SIRPA: variants seen among roughly 807,000 people sequenced by gnomAD.
SIRPA encodes the protein signal regulatory protein alpha, also known as tyrosine-protein phosphatase non-receptor type substrate 1.
Under a neutral mutation model 50.3 loss-of-function variants are expected in SIRPA, and 9 were observed. The observed-to-expected ratio is 0.18, with a 90% CI of 0.11 to 0.31. The LOEUF is 0.31. SIRPA is among the 10% of genes least tolerant of loss of function. The pLI is 1.00. For synonymous variants in SIRPA, 265 were observed against 284.1 expected, an observed-to-expected ratio of 0.93 and a Z score of 0.68; for missense variants, 474 against 661.6, an observed-to-expected ratio of 0.72 and a Z score of 3.11.
At chr20:1,926,249 G>T (rs1048873041) in intron 5 of SIRPA, among the ~76,000 whole-genome samples, 1 of 152,218 alleles carries the variant, frequency 6.6e-6, no homozygotes, top group African/African-American at 2.4e-5. Context: ...CTACCCAATG[G>T]GTTCCCTAAA....
rs1401608362 is a variant in SIRPA at position 1,933,758 on chromosome 20, C to T, written c.1227-957C>T. Among the ~76,000 whole-genome samples the T allele has an allele frequency of 2.6e-5, 4 of 152,190 alleles. No homozygotes were observed. The highest frequency in any genetic ancestry group is 5.9e-5 in the Non-Finnish European group (4 of 68,028). On this transcript the variant is annotated intron_variant, in intron 6 of 7. Coordinates refer to ENST00000358771, the MANE Select transcript of SIRPA (RefSeq NM_001040023.2). The surrounding 1 kb of genome is among the most constrained non-coding windows in gnomAD (Gnocchi z 4.4). ...CTGACATTATCCATGCTAACATCCC[C>T]GGGGTTGCCGGCTTGAGAATTTACA...
chr20:1,926,844 T>C (rs1374191017), intron 5 of SIRPA, among the ~76,000 whole-genome samples: 2 of 152,194 alleles, frequency 1.3e-5, no homozygotes, highest in African/African-American at 4.8e-5. Flanking sequence ...TCTCCCTCAT[T>C]AGGCCCTGGA....
chr20:1,930,952 A>G (rs992134782), intron 6 of SIRPA, among the ~76,000 whole-genome samples: 4 of 152,242 alleles, frequency 2.6e-5, no homozygotes, highest in African/African-American at 9.6e-5. Context: ...CTGGAAGAAT[A>G]GGACATTGTC....
In SIRPA at chr20:1,928,293, G is replaced by A. The variant is rs1460360079; in HGVS notation, c.1226+394G>A. On this transcript the variant is annotated intron_variant, in intron 6 of 7. Transcript: ENST00000358771. This position sits in a 1 kb window ranked among gnomAD's most constrained non-coding sequence, Gnocchi z 4.9. ...TAGTAAATATTTATTGAGTACCTTG[G>A]CGTGCTGTGACCCTGGAATGCCGGG... Among the ~76,000 whole-genome samples the A allele has an allele frequency of 6.6e-6, 1 of 152,100 alleles. No homozygotes were observed. Among genetic ancestry groups the A allele is most frequent in the African/African-American group, 2.4e-5 (1 of 41,390 alleles).
At chr20:1,921,339 T>C (rs531727696) in intron 2 of SIRPA, 56 bp from the exon 3 acceptor site, 294 of 1,609,428 alleles carry the variant, frequency 1.8e-4, no homozygotes, top group South Asian at 1.1e-3. Flanking sequence ...CACACACTTA[T>C]CGTTAGTGAT....
intron 6 of SIRPA, among the ~76,000 whole-genome samples, chr20:1,931,948 G>A (rs112667900): frequency 2.7e-4 from 41 of 152,208 alleles, no homozygotes; most frequent in African/African-American, 9.4e-4. Context: ...TCATTTATTC[G>A]TCGGGACTGA....
rs1471049301 is a variant in SIRPA, at chr20:1,937,674, T to C, written c.*106T>C. 14 of 1,468,396 alleles carry C rather than the reference T, an allele frequency of 9.5e-6. No homozygotes were observed. Among genetic ancestry groups the C allele is most frequent in the Admixed American group, 4.0e-5 (2 of 49,608 alleles). The allele number at this position is 1,468,396 out of a possible 1,614,324, so 91.0% of individuals were successfully genotyped here. A position where few individuals can be genotyped will look rare whatever the true frequency, so the allele number is the denominator to read the frequency against. ...CCCAGTTCCCGGAGGGCTGGGGCGG[T>C]GCAGGCTCTGGGACCCAGGGGCCAG... is the stretch of plus-strand genomic sequence containing the variant. On this transcript the variant is annotated 3_prime_UTR_variant, in exon 8 of 8. Coordinates refer to ENST00000358771, the MANE Select transcript of SIRPA (RefSeq NM_001040023.2). This position sits in a 1 kb window ranked among gnomAD's most constrained non-coding sequence, Gnocchi z 8.3.
chr20:1,927,570 T>C lies in SIRPA; in HGVS notation c.1202-305T>C, dbSNP rs914772831. On this transcript the variant is annotated intron_variant, in intron 5 of 7. Transcript: ENST00000358771. This position sits in a 1 kb window ranked among gnomAD's most constrained non-coding sequence, Gnocchi z 6.5. ...GGAGGGTCTCCGCTGAGGTTTGTGG[T>C]TGAATGGAGGTGAGACCCAGACAGA... 5.9e-5 allele frequency among the ~76,000 whole-genome samples: 9 copies of C among 152,184 alleles called. No individual in the cohort carries two copies. Among genetic ancestry groups the C allele is most frequent in the African/African-American group, 1.7e-4 (7 of 41,434 alleles).
chr20:1,894,993 G>C (rs1265888819), upstream of SIRPA, among the ~76,000 whole-genome samples: 1 of 147,182 alleles, frequency 6.8e-6, no homozygotes, highest in African/African-American at 2.5e-5. The surrounding 1 kb of genome is among the most constrained non-coding windows in gnomAD (Gnocchi z 4.0). Context: ...GCGGCTCCGC[G>C]CGGCCGGGCT....
At position 1,933,664 on chromosome 20, in the gene SIRPA, C is replaced by G. The variant is rs937864282; in HGVS notation, c.1227-1051C>G. Among the ~76,000 whole-genome samples the G allele has an allele frequency of 6.6e-6, 1 of 152,188 alleles. No homozygotes were observed. Among genetic ancestry groups the G allele is most frequent in the African/African-American group, 2.4e-5 (1 of 41,436 alleles). ...ACGTGGGGCTTGTCATGTCTCAGAA[C>G]TGCTTTCAGAGCCAAGCACTCATGC... On this transcript the variant is annotated intron_variant, in intron 6 of 7. Transcript: ENST00000358771. This position sits in a 1 kb window ranked among gnomAD's most constrained non-coding sequence, Gnocchi z 4.4.
At chr20:1,922,740 A>T in intron 4 of SIRPA, 95 bp downstream of exon 4, 1 of 1,348,402 alleles carries the variant, frequency 7.4e-7, no homozygotes, top group Non-Finnish European at 1.0e-6. Context: ...TTATTATAGA[A>T]CAATCTAGAA....
chr20:1,895,244 A>C, upstream of SIRPA: 1 of 397,202 alleles, frequency 2.5e-6, no homozygotes, highest in Non-Finnish European at 4.2e-6. Context: ...CCGTCTCTCC[A>C]TTTCTCCTGG....
chr20:1,902,917 C>T (rs138624385), intron 1 of SIRPA, among the ~76,000 whole-genome samples: 40 of 146,766 alleles, frequency 2.7e-4, no homozygotes, highest in African/African-American at 1.0e-3. Context: ...GAGGCTGCGG[C>T]AGGAGAATCG....
intron 1 of SIRPA, among the ~76,000 whole-genome samples, chr20:1,899,184 T>G (rs531032220): frequency 6.6e-6 from 1 of 151,452 alleles, no homozygotes; most frequent in East Asian, 1.9e-4. Flanking sequence ...TCAAAACTGT[T>G]GAGTGGGTCC....
chr20:1,895,154 G>T, upstream of SIRPA: 1 of 292,608 alleles, frequency 3.4e-6, no homozygotes, highest in East Asian at 6.4e-5. Context: ...TGGCTCCCTT[G>T]GGTCTGTTTC....
At chr20:1,901,173 T>G (rs1391847435) in intron 1 of SIRPA, among the ~76,000 whole-genome samples, 1 of 130,842 alleles carries the variant, frequency 7.6e-6, no homozygotes, top group Admixed American at 7.4e-5. Flanking sequence ...CTTTTTTTTT[T>G]TTTTTTTTTT....
chr20:1,934,746 A>G lies in SIRPA; in HGVS notation c.1258A>G (p.Ile420Val), dbSNP rs769637747. 8 of 1,614,128 alleles carry G rather than the reference A, an allele frequency of 5.0e-6. No individual in the cohort carries two copies. The South Asian group carries it at 8.8e-5, about 18-fold the overall frequency. The change falls in exon 7 of 8, where the codon ATA (isoleucine) becomes GTA (valine). Residue 420 changes from isoleucine (I) to valine (V), a missense_variant. Physicochemically the swap from Ile to Val is conservative, Grantham distance 29 (BLOSUM62 3). Coordinates refer to ENST00000358771, the MANE Select transcript of SIRPA (RefSeq NM_001040023.2). The surrounding 1 kb of genome is among the most constrained non-coding windows in gnomAD (Gnocchi z 4.6). ...LHEPEKNARE[I>V]TQDTNDITYA... ...TGAGCCCGAGAAGAATGCCAGAGAA[A>G]TAACACAGGTACAGTCCTTGGTGAG... is the stretch of plus-strand genomic sequence containing the variant.
upstream of SIRPA, among the ~76,000 whole-genome samples, chr20:1,895,076 C>A (rs926857185): frequency 2.7e-5 from 4 of 150,922 alleles, no homozygotes; most frequent in African/African-American, 9.7e-5. Flanking sequence ...CGCGCCGCCT[C>A]GCTCCTCGCT....
rs1555768867 is a variant in SIRPA, at chr20:1,903,028, A to AAAG, written c.79+7504_79+7505insGAA. ...CTCTGTCTCAAAAAAAAAAAAAAAA[A>AAAG]AAAAGAAAAGAAAGAAAAGAAAATG... On this transcript the variant is annotated intron_variant, in intron 1 of 7. Transcript: ENST00000358771. 8.3e-3 allele frequency among the ~76,000 whole-genome samples: 989 copies of AAAG among 118,958 alleles called. 7 individuals are homozygous for AAAG. Among genetic ancestry groups the AAAG allele is most frequent in the Middle Eastern group, 0.038 (9 of 236 alleles). The allele number at this position is 118,958 out of a possible 152,430, so 78.0% of individuals were successfully genotyped here.
Sources: allele counts gnomAD v4.1 joint callset (sites outside exome capture counted in the v4.1 genomes callset), GRCh38; gene constraint gnomAD v4.1.1; non-coding constraint Gnocchi (gnomAD v3.1); transcripts MANE v1.5; gene names NCBI Gene and HGNC (gene_info 2026-07-23, HGNC 2026-07-21).